Variants in TRIP12 observed in about 807,000 individuals in gnomAD.
The protein encoded by TRIP12 is E3 ubiquitin-protein ligase TRIP12.
TRIP12 carries 25 observed loss-of-function variants against 244.2 expected under a neutral mutation model. The observed-to-expected ratio is 0.10, with a 90% CI of 0.07 to 0.14. The LOEUF is 0.14. TRIP12 is among the 10% of genes least tolerant of loss of function. TRIP12 has a pLI of 1.00. For synonymous variants in TRIP12, 905 were observed against 873.1 expected, an observed-to-expected ratio of 1.04 and a Z score of -0.64; for missense variants, 1,677 against 2,486.4, an observed-to-expected ratio of 0.67 and a Z score of 6.92.
chr2:229,864,047 A>AGAGAGAGAGAGAGAGAGAGTGTGTGTGT, intron 2 of TRIP12, among the ~76,000 whole-genome samples: 4 of 79,320 alleles, frequency 5.0e-5, no homozygotes, highest in East Asian at 8.7e-4. Flanking sequence ...AGAGAGAGAG[A>AGAGAGAGAGAGAGAGAGAGTGTGTGTGT]GTGTGTGTGT....
intron 21 of TRIP12, among the ~76,000 whole-genome samples, chr2:229,801,360 A>G (rs1425143776): frequency 6.6e-6 from 1 of 152,180 alleles, no homozygotes; most frequent in Non-Finnish European, 1.5e-5. Flanking sequence ...GGTGGCACCA[A>G]ATTCCCCTCA....
intron 1 of TRIP12, among the ~76,000 whole-genome samples, chr2:229,892,809 T>C (rs2067701932): frequency 6.6e-6 from 1 of 152,020 alleles, no homozygotes. Flanking sequence ...GAGACTGCAG[T>C]GGGCTGAGAT....
At chr2:229,850,934 G>C (rs1332560049) in intron 4 of TRIP12, among the ~76,000 whole-genome samples, 3 of 152,220 alleles carry the variant, frequency 2.0e-5, no homozygotes, top group African/African-American at 4.8e-5. Context: ...ATTTCTCGCC[G>C]GGCCTTAGCT....
In TRIP12 at chr2:229,824,879, T is replaced by A. The variant is rs146144682; in HGVS notation, c.1450+4314A>T. 6.3e-3 allele frequency among the ~76,000 whole-genome samples: 954 copies of A among 152,318 alleles called. 8 individuals carry two copies. Among genetic ancestry groups the A allele is most frequent in the South Asian group, 0.018 (85 of 4,828 alleles). On this transcript the variant is annotated intron_variant, in intron 8 of 41. Coordinates refer to ENST00000675903, the MANE Select transcript of TRIP12 (RefSeq NM_001348323.3). Reference sequence around the variant, plus strand: ...AGAAGATAAGATTTTTCTAAATATATGTTGTTTGTAGATTTGACTTTTAGA... The same window carrying A: ...AGAAGATAAGATTTTTCTAAATATAAGTTGTTTGTAGATTTGACTTTTAGA...
At chr2:229,859,690 A>T in intron 3 of TRIP12, 116 bp from the exon 4 acceptor site, 2 of 1,183,112 alleles carry the variant, frequency 1.7e-6, no homozygotes, top group Non-Finnish European at 2.3e-6. Context: ...AGTATTAAAC[A>T]TAGGTTTTCA....
chr2:229,793,795 T>C (rs2042134269), intron 26 of TRIP12, among the ~76,000 whole-genome samples: 1 of 152,028 alleles, frequency 6.6e-6, no homozygotes, highest in Admixed American at 6.6e-5. Flanking sequence ...GCAGCCCAGA[T>C]GGCTTTGTAT....
At chr2:229,845,852 C>T (rs989099257) in intron 4 of TRIP12, among the ~76,000 whole-genome samples, 35 of 118,274 alleles carry the variant, frequency 3.0e-4, no homozygotes, top group African/African-American at 1.0e-3. Flanking sequence ...ATAGTTTCTA[C>T]AAAAAATTAC....
At chr2:229,811,110 A>G (rs1160326448) in intron 14 of TRIP12, 26 bp downstream of exon 14, 2 of 1,613,654 alleles carry the variant, frequency 1.2e-6, no homozygotes, top group East Asian at 2.2e-5. Context: ...ACCTCATAAA[A>G]ATACTACCAA....
At chr2:229,811,284 C>T in intron 13 of TRIP12, 80 bp from the exon 14 acceptor site, 1 of 1,407,208 alleles carries the variant, frequency 7.1e-7, no homozygotes, top group Middle Eastern at 1.8e-4. Context: ...TATCTTCCTC[C>T]TAACCCCAGA....
intron 13 of TRIP12, among the ~76,000 whole-genome samples, chr2:229,811,589 A>G (rs2047260674): frequency 6.6e-6 from 1 of 152,224 alleles, no homozygotes. Context: ...AAAAGTTAGA[A>G]AAAGGAAAGT....
At chr2:229,895,269 A>G (rs2068489649) in intron 1 of TRIP12, among the ~76,000 whole-genome samples, 1 of 152,214 alleles carries the variant, frequency 6.6e-6, no homozygotes, top group Admixed American at 6.5e-5. Context: ...AAAGACAGCA[A>G]AGTGGAAGAC....
intron 4 of TRIP12, among the ~76,000 whole-genome samples, chr2:229,856,392 G>C (rs866672776): frequency 7.9e-5 from 12 of 152,146 alleles, no homozygotes; most frequent in African/African-American, 2.7e-4. Flanking sequence ...CAAAACTCTT[G>C]GTGTTTCCTG....
At chr2:229,894,897 A>C (rs1334393643) in intron 1 of TRIP12, among the ~76,000 whole-genome samples, 1 of 152,230 alleles carries the variant, frequency 6.6e-6, no homozygotes, top group Non-Finnish European at 1.5e-5. Flanking sequence ...TACTTTGGGT[A>C]GCAAGCTCTT....
chr2:229,840,986 A>G, intron 4 of TRIP12, 59 bp from the exon 5 acceptor site: 2 of 1,274,126 alleles, frequency 1.6e-6, no homozygotes, highest in Admixed American at 2.6e-5. Flanking sequence ...CTAATTAAAA[A>G]TTATAAAATT....
At chr2:229,877,401 G>T (rs889789668) in intron 2 of TRIP12, among the ~76,000 whole-genome samples, 3 of 152,038 alleles carry the variant, frequency 2.0e-5, no homozygotes, top group Admixed American at 2.0e-4. Context: ...AAGGTGGCAG[G>T]CGCCTGTAAT....
chr2:229,833,431 G>A (rs909063091), intron 6 of TRIP12, among the ~76,000 whole-genome samples: 2 of 152,136 alleles, frequency 1.3e-5, no homozygotes, highest in South Asian at 4.1e-4. Flanking sequence ...GGTACCACAG[G>A]TACATGCCAC....
chr2:229,838,592 A>G (rs1320762237), intron 5 of TRIP12, among the ~76,000 whole-genome samples: 2 of 152,192 alleles, frequency 1.3e-5, no homozygotes, highest in African/African-American at 2.4e-5. Context: ...AGACAATTAC[A>G]ACACTAGATT....
intron 1 of TRIP12, among the ~76,000 whole-genome samples, chr2:229,901,722 G>GGAAT (rs1363264169): frequency 6.6e-6 from 1 of 152,068 alleles, no homozygotes; most frequent in Non-Finnish European, 1.5e-5. Context: ...TTTCCCTCAA[G>GGAAT]GAATATACAC....
At chr2:229,890,245 A>G (rs1393989752) in intron 1 of TRIP12, among the ~76,000 whole-genome samples, 1 of 151,768 alleles carries the variant, frequency 6.6e-6, no homozygotes, top group Non-Finnish European at 1.5e-5. Flanking sequence ...ACACCCAGCT[A>G]ATTTTTGTAT....
Sources: allele counts gnomAD v4.1 joint callset (sites outside exome capture counted in the v4.1 genomes callset), GRCh38; gene constraint gnomAD v4.1.1; transcripts MANE v1.5; gene names NCBI Gene and HGNC (gene_info 2026-07-23, HGNC 2026-07-21).